Variants in ADAM32 observed in about 807,000 individuals in gnomAD.
The protein encoded by ADAM32 is ADAM metallopeptidase domain 32.
ADAM32 carries 89 observed loss-of-function variants against 114.9 expected under a neutral mutation model. The ratio of observed to expected loss-of-function variants is 0.77; its 90% CI spans 0.65 to 0.92. The LOEUF is 0.92. ADAM32 is among the 40% of genes least tolerant of loss of function. ADAM32 has a pLI of 0.00. For synonymous variants in ADAM32, 285 were observed against 307.5 expected, an observed-to-expected ratio of 0.93 and a Z score of 0.77; for missense variants, 870 against 932.8, an observed-to-expected ratio of 0.93 and a Z score of 0.88.
At chr8:39,183,799 C>A (rs1312697940) in intron 10 of ADAM32, among the ~76,000 whole-genome samples, 2 of 152,182 alleles carry the variant, frequency 1.3e-5, no homozygotes, top group East Asian at 1.9e-4. Flanking sequence ...GTAATGAACC[C>A]ATTTCTATAA....
chr8:39,163,484 G>A (rs2129446126), intron 7 of ADAM32, among the ~76,000 whole-genome samples: 1 of 151,770 alleles, frequency 6.6e-6, no homozygotes, highest in Non-Finnish European at 1.5e-5. Context: ...CAAATTTTAA[G>A]AGACTGTTCT....
At chr8:39,132,618 C>T (rs549423413) in intron 2 of ADAM32, among the ~76,000 whole-genome samples, 36 of 152,290 alleles carry the variant, frequency 2.4e-4, no homozygotes, top group African/African-American at 6.7e-4. Context: ...TTTACCATTT[C>T]TGCTTTTTGA....
chr8:39,196,917 TGTTA>T (rs1466216272), intron 11 of ADAM32, among the ~76,000 whole-genome samples: 1 of 152,136 alleles, frequency 6.6e-6, no homozygotes, highest in Non-Finnish European at 1.5e-5. Context: ...GAAAAACTGG[TGTTA>T]GTTCTTCCTT....
At chr8:39,107,950 G>A in intron 1 of ADAM32, 117 bp downstream of exon 1, 1 of 1,346,100 alleles carries the variant, frequency 7.4e-7, no homozygotes, top group South Asian at 1.6e-5. Flanking sequence ...CCCTGGCAAC[G>A]GGGCCTTTTC....
Position 39,283,812 on chromosome 8 carries a change from C to T in ADAM32, c.2357+188C>T, listed in dbSNP as rs1179094702. 3.0e-5 allele frequency among the ~76,000 whole-genome samples: 4 copies of T among 133,438 alleles called. No individual in the cohort carries two copies. The South Asian group carries it at 6.9e-4, about 23-fold the overall frequency. 87.5% of individuals were successfully genotyped at this position (133,438 alleles called of 152,430 possible). ...TTTTTAAGACAGAGTCTTGCTCTGT[C>T]GACCAGGCTGGAGTGCAATGGTGCG... On this transcript the variant is annotated intron_variant, in intron 24 of 24. Coordinates refer to ENST00000379907, the MANE Select transcript of ADAM32 (RefSeq NM_145004.7).
intron 18 of ADAM32, among the ~76,000 whole-genome samples, chr8:39,256,471 G>A (rs974874662): frequency 7.9e-5 from 12 of 151,992 alleles, no homozygotes; most frequent in Admixed American, 7.9e-4. Context: ...CAGAAGTGAT[G>A]CTGGCATATT....
At chr8:39,174,400 G>A (rs866214430) in intron 10 of ADAM32, among the ~76,000 whole-genome samples, 5 of 151,872 alleles carry the variant, frequency 3.3e-5, no homozygotes, top group Middle Eastern at 3.2e-3. Context: ...GTAGCATGAT[G>A]CTTCCAGCTT....
intron 6 of ADAM32, among the ~76,000 whole-genome samples, chr8:39,157,042 A>G (rs73676806): frequency 7.2e-4 from 110 of 152,192 alleles, no homozygotes; most frequent in African/African-American, 2.6e-3. Context: ...TTCATTTTTG[A>G]AGGATAGTTT....
chr8:39,255,487 G>C (rs1232714995), intron 18 of ADAM32, among the ~76,000 whole-genome samples: 1 of 152,034 alleles, frequency 6.6e-6, no homozygotes, highest in Non-Finnish European at 1.5e-5. Context: ...TAGTGATGTT[G>C]AGCATTTTTT....
chr8:39,206,888 T>C (rs928024471), intron 11 of ADAM32, among the ~76,000 whole-genome samples: 1 of 151,828 alleles, frequency 6.6e-6, no homozygotes, highest in East Asian at 1.9e-4. Flanking sequence ...CAAAATAGTA[T>C]AGTGCTGTGT....
intron 22 of ADAM32, among the ~76,000 whole-genome samples, chr8:39,279,612 A>C (rs1407716718): frequency 3.9e-5 from 6 of 152,090 alleles, no homozygotes; most frequent in African/African-American, 1.4e-4. Flanking sequence ...TGGGTTCTTC[A>C]TGTATTACAT....
At chr8:39,282,769 T>C (rs1813502581) in intron 23 of ADAM32, among the ~76,000 whole-genome samples, 1 of 152,144 alleles carries the variant, frequency 6.6e-6, no homozygotes, top group Admixed American at 6.6e-5. Flanking sequence ...AACAATATAT[T>C]TTTTTAAGCC....
In ADAM32 at chr8:39,271,120, G is replaced by A. The variant is rs1296085753; in HGVS notation, c.2201+206G>A. Reference sequence around the variant, plus strand: ...AATGTTTACTGGAAGTCTCTTCTGAGGAAACAAGGAATAAAATAGCTGATT... The same window carrying A: ...AATGTTTACTGGAAGTCTCTTCTGAAGAAACAAGGAATAAAATAGCTGATT... On this transcript the variant is annotated intron_variant, in intron 20 of 24. Transcript: ENST00000379907. Among the ~76,000 whole-genome samples, 3 of 151,936 alleles carry A rather than the reference G, an allele frequency of 2.0e-5. No individual in the cohort carries two copies. The East Asian group carries it at 5.8e-4, about 29-fold the overall frequency.
chr8:39,114,785 A>T (rs1374014613), intron 1 of ADAM32, among the ~76,000 whole-genome samples: 2 of 152,152 alleles, frequency 1.3e-5, no homozygotes, highest in South Asian at 2.1e-4. Flanking sequence ...ATTGCGTGTC[A>T]CTGGGGTTCT....
intron 1 of ADAM32, among the ~76,000 whole-genome samples, chr8:39,115,357 T>G (rs1371134654): frequency 6.6e-6 from 1 of 152,180 alleles, no homozygotes; most frequent in Non-Finnish European, 1.5e-5. Flanking sequence ...CCACAGTGGT[T>G]GAACTAACTT....
chr8:39,218,261 T>C (rs11780189), intron 12 of ADAM32, among the ~76,000 whole-genome samples: 8,854 of 152,198 alleles, frequency 0.058, 326 homozygotes, highest in Middle Eastern at 0.11. Flanking sequence ...GGAGCTGGGG[T>C]TGGAGAGACA....
In ADAM32 at chr8:39,246,179, A is replaced by G. The variant is rs1173479657; in HGVS notation, c.1902+13A>G. On this transcript the variant is annotated intron_variant, in intron 17 of 24. Coordinates refer to ENST00000379907, the MANE Select transcript of ADAM32 (RefSeq NM_145004.7). ...TTCTGGACATGGAGTAAGTAACCAC[A>G]TGTTTCCCTGAATCACATTTCTTGG... 6.2e-7 allele frequency: 1 copy of G among 1,604,742 alleles called. No homozygotes were observed. Among genetic ancestry groups the G allele is most frequent in the Non-Finnish European group, 8.5e-7 (1 of 1,175,006 alleles).
intron 6 of ADAM32, 81 bp downstream of exon 6, chr8:39,151,629 C>A: frequency 2.9e-6 from 3 of 1,040,064 alleles, no homozygotes; most frequent in Non-Finnish European, 3.9e-6. Context: ...ATTTATAAGC[C>A]CACTGTAGAA....
chr8:39,112,678 G>A (rs912406839), intron 1 of ADAM32, among the ~76,000 whole-genome samples: 4 of 152,120 alleles, frequency 2.6e-5, no homozygotes, highest in African/African-American at 9.7e-5. Flanking sequence ...GCCACATTTA[G>A]TAGATGTTAA....
Sources: gnomAD v4.1 joint callset for allele counts (sites outside exome capture counted in the v4.1 genomes callset) on GRCh38, gnomAD v4.1.1 for gene constraint, MANE v1.5 for transcripts, NCBI Gene and HGNC (gene_info 2026-07-23, HGNC 2026-07-21) for gene names.